The following DCAF8 variants were observed in gnomAD, a reference collection of about 807,000 sequenced individuals.
DCAF8 encodes DDB1- and CUL4-associated factor 8.
Under a neutral mutation model 68.0 loss-of-function variants are expected in DCAF8, and 20 were observed. The ratio of observed to expected loss-of-function variants is 0.29; its 90% confidence interval spans 0.21 to 0.43. DCAF8 has a LOEUF of 0.43. Ranked by LOEUF, DCAF8 falls within the 20% of genes least tolerant of loss-of-function variation. The probability of loss-of-function intolerance (pLI) is 1.00; values close to 1 mark genes in which losing one functional copy is unlikely to be tolerated. For missense variants in DCAF8, 460 were observed against 771.0 expected (o/e 0.60, Z 4.78); for synonymous variants, 230 against 276.9 (o/e 0.83, Z 1.68).
chr1:160,239,519 T>C, intron 4 of DCAF8, 178 bp downstream of exon 4: 1 of 1,511,674 alleles, frequency 6.6e-7, no homozygotes, highest in Non-Finnish European at 8.8e-7. Context: ...GCTCAAGGAA[T>C]CTAGGGTTGC....
intron 2 of DCAF8, among the ~76,000 whole-genome samples, chr1:160,249,388 A>G (rs1656488933): frequency 6.6e-6 from 1 of 152,318 alleles, no homozygotes; most frequent in East Asian, 1.9e-4. Context: ...ACTCATATAC[A>G]CTGTTACTAG....
At chr1:160,237,461 T>C (rs568967672) in intron 5 of DCAF8, among the ~76,000 whole-genome samples, 2 of 152,388 alleles carry the variant, frequency 1.3e-5, no homozygotes, top group South Asian at 2.1e-4. Context: ...GACAGTTGAT[T>C]TGCTATTTCA....
chr1:160,217,255 A>C lies in DCAF8; in HGVS notation c.*337T>G. ...CCACCCCTCCCCCAGCCCAAGAAACAAGGGAGATTAAAGAAAAAGAAACCC... is the reference window on the plus strand; with the variant it reads ...CCACCCCTCCCCCAGCCCAAGAAACCAGGGAGATTAAAGAAAAAGAAACCC... On this transcript the variant is annotated 3_prime_UTR_variant, in exon 14 of 14. Coordinates refer to ENST00000368074, the MANE Select transcript of DCAF8 (RefSeq NM_015726.4). 6.1e-5 allele frequency: 11 copies of C among 181,396 alleles called. No individual in the cohort carries two copies. Among genetic ancestry groups the C allele is most frequent in the East Asian group, 1.4e-4 (1 of 7,148 alleles). 11.2% of individuals were successfully genotyped at this position (181,396 alleles called of 1,614,324 possible). A position where few individuals can be genotyped will look rare whatever the true frequency, so the allele number is the denominator to read the frequency against.
rs139274225 is a variant in DCAF8, at chr1:160,257,558, C to G, written c.-27+3727G>C. ...GATCCCAGTCTTTCACAACAGGGTG[C>G]GCTTCTATACAATGTCTCCTACTAG... On this transcript the variant is annotated intron_variant, in intron 2 of 13. Transcript: ENST00000368074. Among the ~76,000 whole-genome samples the G allele has an allele frequency of 9.3e-4, 142 of 152,320 alleles. No homozygotes were observed. In the East Asian group the frequency reaches 0.026, roughly 28 times the overall value.
At chr1:160,252,187 C>A (rs1656624523) in intron 2 of DCAF8, among the ~76,000 whole-genome samples, 1 of 152,142 alleles carries the variant, frequency 6.6e-6, no homozygotes, top group Non-Finnish European at 1.5e-5. Context: ...AATTTAGAAG[C>A]TACAAATATA....
chr1:160,218,888 G>T lies in DCAF8; in HGVS notation c.1521C>A (p.Pro507=). The change falls in exon 12 of 14, where the codon CCC becomes CCA. Residue 507 remains proline, a synonymous_variant. Transcript: ENST00000368074. The stretch of plus-strand genomic sequence containing the variant: ...TCAGCTCAGTGGAAGCTTCAGCTGT[G>T]GGTGCCCAGATCTTCACATCATGGT... ...GLDHDVKIWA[P]TAEASTELTG... is the part of the protein sequence containing the mutation. 1.9e-6 allele frequency: 3 copies of T among 1,614,206 alleles called. No individual in the cohort carries two copies. Among genetic ancestry groups the T allele is most frequent in the Non-Finnish European group, 2.5e-6 (3 of 1,180,034 alleles).
chr1:160,261,687 G>C (rs1657097959), intron 1 of DCAF8: 2 of 152,250 alleles, frequency 1.3e-5, no homozygotes, highest in African/African-American at 4.8e-5. Flanking sequence ...ATCCCGGAGA[G>C]AATGTGATAG....
At chr1:160,249,975 A>T (rs1456388638) in intron 2 of DCAF8, among the ~76,000 whole-genome samples, 1 of 152,196 alleles carries the variant, frequency 6.6e-6, no homozygotes, top group Non-Finnish European at 1.5e-5. Flanking sequence ...AGGGATTGCC[A>T]GGGCTTGGAG....
Position 160,240,128 on chromosome 1 carries a change from G to T in DCAF8, c.292C>A (p.Arg98Ser). The change falls in exon 4 of 14, where the codon CGC becomes AGC. Residue 98 changes from arginine (R) to serine (S), a missense_variant. This residue lies in a region of DCAF8 where 156 missense variants were observed against 181.4 expected (regional missense o/e 0.86). Coordinates refer to ENST00000368074, the MANE Select transcript of DCAF8 (RefSeq NM_015726.4). The stretch of plus-strand genomic sequence containing the variant: ...TCCTCCTCTTCCTCTTCCTCTGAGC[G>T]GTCATGGACTCGATTTTCATCATTA... ...SINDENRVHDRSEEEEEEEEE... is the reference protein window; with the variant it reads ...SINDENRVHDSSEEEEEEEEE... 3.7e-6 allele frequency: 6 copies of T among 1,613,832 alleles called. No individual in the cohort carries two copies. The highest frequency in any genetic ancestry group is 5.1e-6 in the Non-Finnish European group (6 of 1,179,880).
chr1:160,220,024 A>C (rs1400378301), intron 11 of DCAF8: 3 of 152,272 alleles, frequency 2.0e-5, no homozygotes, highest in Non-Finnish European at 4.4e-5. Context: ...AGGAGAAGTC[A>C]AGGGCAGGCA....
intron 7 of DCAF8, among the ~76,000 whole-genome samples, chr1:160,226,108 A>T (rs1181971820): frequency 2.0e-5 from 3 of 152,230 alleles, no homozygotes; most frequent in Non-Finnish European, 4.4e-5. Context: ...GCAATCCTCA[A>T]TTCTGTCAGT....
intron 3 of DCAF8, among the ~76,000 whole-genome samples, chr1:160,242,481 T>C (rs550999032): frequency 1.9e-3 from 282 of 151,986 alleles, no homozygotes; most frequent in African/African-American, 6.5e-3. Context: ...AAAGAAAAAA[T>C]AAAACACCAA....
At chr1:160,232,398 T>G (rs986861819) in intron 6 of DCAF8, among the ~76,000 whole-genome samples, 1 of 152,094 alleles carries the variant, frequency 6.6e-6, no homozygotes, top group African/African-American at 2.4e-5. Flanking sequence ...ATCCCAGCAC[T>G]TTGGGAAGCC....
Position 160,238,748 on chromosome 1 carries a change from C to T in DCAF8, c.724-1G>A. The T allele has an allele frequency of 6.3e-7, 1 of 1,591,798 alleles. No individual in the cohort carries two copies. Among genetic ancestry groups the T allele is most frequent in the Non-Finnish European group, 8.5e-7 (1 of 1,172,366 alleles). On this transcript the variant is annotated splice_acceptor_variant, in intron 4 of 13. Coordinates refer to ENST00000368074, the MANE Select transcript of DCAF8 (RefSeq NM_015726.4). LOFTEE classifies it high-confidence loss of function. ...CACCACTGTTAGGAAGAAACTTGGC[C>T]TGGGGTGTTAAAAATGAAAAAAAGG... is the stretch of plus-strand genomic sequence containing the variant.
rs919408525 is a variant in DCAF8, at chr1:160,217,509, G to C, written c.*83C>G. 4.0e-6 allele frequency: 4 copies of C among 1,010,628 alleles called. No homozygotes were observed. The highest frequency in any genetic ancestry group is 5.9e-6 in the Non-Finnish European group (4 of 675,402). 62.6% of individuals were successfully genotyped at this position (1,010,628 alleles called of 1,614,324 possible). On this transcript the variant is annotated 3_prime_UTR_variant, in exon 14 of 14. Transcript: ENST00000368074. Reference sequence around the variant, plus strand: ...AAAAAGTCCAAAGTGCGTTTCTGCTGAATGTAGGGCCTGGGACAGGAAAGG... The same window carrying C: ...AAAAAGTCCAAAGTGCGTTTCTGCTCAATGTAGGGCCTGGGACAGGAAAGG...
chr1:160,249,378 A>T (rs1656488840), intron 2 of DCAF8, among the ~76,000 whole-genome samples: 1 of 152,238 alleles, frequency 6.6e-6, no homozygotes, highest in African/African-American at 2.4e-5. Flanking sequence ...AGCAACTACA[A>T]CTCATATACA....
At chr1:160,220,475 G>A (rs977865785) in intron 11 of DCAF8, 4 of 152,194 alleles carry the variant, frequency 2.6e-5, no homozygotes, top group African/African-American at 7.2e-5. Flanking sequence ...TGGAGCCTGC[G>A]GGGGGAGCCG....
rs1051698705 is a variant in DCAF8 at position 160,218,348 on chromosome 1, G to A, written c.1653C>T (p.His551=). ...DSHMLWFLMH[H]LRQRRHHRRW... Reference sequence around the variant, plus strand: ...CCCGGTGATGGCGTCTCTGTCTCAGGTGATGCATAAGGAACCACAGCATGT... The same window carrying A: ...CCCGGTGATGGCGTCTCTGTCTCAGATGATGCATAAGGAACCACAGCATGT... The change falls in exon 13 of 14, where the codon CAC becomes CAT. Residue 551 remains histidine (H), a synonymous_variant. Transcript: ENST00000368074. 6.2e-7 allele frequency: 1 copy of A among 1,613,942 alleles called. No individual in the cohort carries two copies. Among genetic ancestry groups the A allele is most frequent in the African/African-American group, 1.3e-5 (1 of 74,934 alleles).
chr1:160,261,473 ATACT>A (rs1209794898), intron 1 of DCAF8, 115 bp from the exon 2 acceptor site: 1 of 152,246 alleles, frequency 6.6e-6, no homozygotes, highest in African/African-American at 2.4e-5. Context: ...TAAAAGCAGA[ATACT>A]TTATCTAATT....
Sources: allele counts gnomAD v4.1 joint callset (sites outside exome capture counted in the v4.1 genomes callset), GRCh38; gene constraint gnomAD v4.1.1; regional missense constraint gnomAD v4.1.1; transcripts MANE v1.5; gene names NCBI Gene and HGNC (gene_info 2026-07-23, HGNC 2026-07-21).